Variants in ST13 observed in about 807,000 individuals in gnomAD.
The protein encoded by ST13 is hsc70-interacting protein.
A neutral mutation model predicts 56.7 loss-of-function variants in ST13; 23 were observed. That is an observed-to-expected ratio of 0.41 (90% CI 0.29 to 0.57). The LOEUF (loss-of-function observed/expected upper bound fraction) is 0.57, where lower values mean the gene tolerates loss of function less well. ST13 is among the 20% of genes least tolerant of loss of function. The probability of loss-of-function intolerance (pLI) is 0.36; values close to 1 mark genes in which losing one functional copy is unlikely to be tolerated. For missense variants in ST13, 369 were observed against 459.9 expected (o/e 0.80, Z 1.81); for synonymous variants, 132 against 142.4 (o/e 0.93, Z 0.52).
At chr22:40,833,274 A>G (rs2057762205) in intron 7 of ST13, among the ~76,000 whole-genome samples, 1 of 152,166 alleles carries the variant, frequency 6.6e-6, no homozygotes, top group African/African-American at 2.4e-5. Context: ...ACAAACAGAA[A>G]TAAGAAGCTG....
At position 40,826,408 on chromosome 22, in the gene ST13, G is replaced by T; in HGVS notation, c.*130C>A. The T allele has an allele frequency of 3.6e-6, 3 of 822,838 alleles. No homozygotes were observed. The highest frequency in any genetic ancestry group is 5.5e-6 in the Non-Finnish European group (3 of 541,636). 51.0% of individuals were successfully genotyped at this position (822,838 alleles called of 1,614,324 possible). A position where few individuals can be genotyped will look rare whatever the true frequency, so the allele number is the denominator to read the frequency against. ...GCTGCATTTGGGGGAGAGGGGTAGG[G>T]ATTATCTTCAAAGCACCCCAGCTCT... On this transcript the variant is annotated 3_prime_UTR_variant, in exon 12 of 12. Transcript: ENST00000216218.
At chr22:40,836,538 T>G (rs532269700) in intron 5 of ST13, among the ~76,000 whole-genome samples, 1 of 152,016 alleles carries the variant, frequency 6.6e-6, no homozygotes, top group Non-Finnish European at 1.5e-5. Flanking sequence ...TTTTCTTTTA[T>G]CCATTAAATT....
chr22:40,850,515 G>A (rs1257248576), intron 2 of ST13, among the ~76,000 whole-genome samples: 1 of 152,154 alleles, frequency 6.6e-6, no homozygotes, highest in Non-Finnish European at 1.5e-5. Flanking sequence ...ATGACACACT[G>A]TAAGGCAATG....
chr22:40,844,288 A>C (rs539221876), intron 4 of ST13, among the ~76,000 whole-genome samples: 2 of 152,336 alleles, frequency 1.3e-5, no homozygotes, highest in Non-Finnish European at 2.9e-5. Flanking sequence ...CAATCTTTTA[A>C]AACTGCTATT....
chr22:40,847,407 T>C (rs1266940653), intron 3 of ST13, among the ~76,000 whole-genome samples: 1 of 150,174 alleles, frequency 6.7e-6, no homozygotes, highest in East Asian at 2.0e-4. Context: ...AAATTAGCCG[T>C]GCCTGGTGGC....
chr22:40,838,489 A>G (rs753727756), intron 5 of ST13, among the ~76,000 whole-genome samples: 5 of 152,106 alleles, frequency 3.3e-5, no homozygotes, highest in Non-Finnish European at 5.9e-5. Context: ...GGCTGGGCAC[A>G]GTGCCTCACA....
At chr22:40,840,991 A>C (rs1254347860) in intron 4 of ST13, among the ~76,000 whole-genome samples, 1 of 152,078 alleles carries the variant, frequency 6.6e-6, no homozygotes, top group East Asian at 1.9e-4. Context: ...TATTAAACCC[A>C]ATCTCCTCAC....
chr22:40,851,672 G>C (rs1199024201), intron 1 of ST13, among the ~76,000 whole-genome samples: 1 of 151,924 alleles, frequency 6.6e-6, no homozygotes, highest in African/African-American at 2.4e-5. Flanking sequence ...ATTAAAATTT[G>C]CCTTAAAAAC....
intron 5 of ST13, among the ~76,000 whole-genome samples, chr22:40,840,128 C>T (rs2057796079): frequency 6.6e-6 from 1 of 152,092 alleles, no homozygotes. Flanking sequence ...CCAGCCTGGG[C>T]AACAGAGTGA....
chr22:40,849,548 C>T (rs2057850670), intron 2 of ST13, among the ~76,000 whole-genome samples: 2 of 150,764 alleles, frequency 1.3e-5, no homozygotes, highest in African/African-American at 4.9e-5. Context: ...TTGTTGAGTC[C>T]CTATAAAATG....
intron 7 of ST13, among the ~76,000 whole-genome samples, chr22:40,833,035 A>G (rs1239173370): frequency 6.6e-6 from 1 of 152,220 alleles, no homozygotes; most frequent in African/African-American, 2.4e-5. Flanking sequence ...AAGACAGAAG[A>G]GAAAATAATA....
At chr22:40,851,875 A>G (rs1415127460) in intron 1 of ST13, among the ~76,000 whole-genome samples, 1 of 151,752 alleles carries the variant, frequency 6.6e-6, no homozygotes, top group African/African-American at 2.4e-5. Context: ...CCTCCCAAGT[A>G]GCTGGGACTA....
chr22:40,856,564 T>TG lies in ST13; in HGVS notation c.-25dup, dbSNP rs755652836. The TG allele has an allele frequency of 3.8e-4, 600 of 1,592,588 alleles. 1 individual carries two copies. Among genetic ancestry groups the TG allele is most frequent in the Middle Eastern group, 8.9e-4 (4 of 4,474 alleles). ...ATGGTAGGGAGGTGGTGGGCGAAACTGGGGGGGCTACGGCCCGGTTCCAGG... is the reference window on the plus strand; with the variant it reads ...ATGGTAGGGAGGTGGTGGGCGAAACTGGGGGGGGCTACGGCCCGGTTCCAGG... On this transcript the variant is annotated 5_prime_UTR_variant, in exon 1 of 12. Coordinates refer to ENST00000216218, the MANE Select transcript of ST13 (RefSeq NM_003932.5).
intron 1 of ST13, among the ~76,000 whole-genome samples, chr22:40,856,177 T>G (rs1464536715): frequency 6.6e-6 from 1 of 152,068 alleles, no homozygotes; most frequent in Non-Finnish European, 1.5e-5. Flanking sequence ...GCAGTCCTGT[T>G]TTTGTATTTC....
chr22:40,829,678 TG>T lies in ST13; in HGVS notation c.799-5del. On this transcript the variant is annotated splice_region_variant and splice_polypyrimidine_tract_variant and intron_variant, in intron 9 of 11. Transcript: ENST00000216218. The stretch of plus-strand genomic sequence containing the variant: ...ACTGTCGTCTGGCTTCTTCCTCCTT[TG>T]ATACAAAAGGAAATAAATTATATAA... 6.8e-7 allele frequency: 1 copy of T among 1,468,644 alleles called. No homozygotes were observed. The highest frequency in any genetic ancestry group is 1.4e-5 in the African/African-American group (1 of 71,906). The allele number at this position is 1,468,644 out of a possible 1,614,324, so 91.0% of individuals were successfully genotyped here. A position where few individuals can be genotyped will look rare whatever the true frequency, so the allele number is the denominator to read the frequency against.
chr22:40,855,573 A>T (rs1003683126), intron 1 of ST13, among the ~76,000 whole-genome samples: 1 of 152,144 alleles, frequency 6.6e-6, no homozygotes, highest in Non-Finnish European at 1.5e-5. Flanking sequence ...CATTAGTAAT[A>T]ATTTTTTAAA....
chr22:40,832,752 A>G, intron 7 of ST13, 81 bp from the exon 8 acceptor site: 1 of 1,115,744 alleles, frequency 9.0e-7, no homozygotes, highest in Non-Finnish European at 1.3e-6. Flanking sequence ...CCTTACAAAA[A>G]AGGATTGTTC....
chr22:40,856,132 T>C (rs2057892946), intron 1 of ST13, among the ~76,000 whole-genome samples: 1 of 152,080 alleles, frequency 6.6e-6, no homozygotes, highest in Non-Finnish European at 1.5e-5. Flanking sequence ...AGTCTTGCAG[T>C]TTTCACTCCT....
intron 7 of ST13, among the ~76,000 whole-genome samples, chr22:40,834,439 C>T (rs928416749): frequency 6.6e-6 from 1 of 152,074 alleles, no homozygotes; most frequent in Admixed American, 6.6e-5. Flanking sequence ...AAAATTTTTA[C>T]CACACAAGTG....
Sources: allele counts gnomAD v4.1 joint callset (sites outside exome capture counted in the v4.1 genomes callset), GRCh38; gene constraint gnomAD v4.1.1; transcripts MANE v1.5; gene names NCBI Gene and HGNC (gene_info 2026-07-23, HGNC 2026-07-21).